Variants in TRIM6 observed in about 807,000 individuals in gnomAD.
The protein encoded by TRIM6 is tripartite motif containing 6.
Under a neutral mutation model 51.2 loss-of-function variants are expected in TRIM6, and 43 were observed. The ratio of observed to expected loss-of-function variants is 0.84; its 90% CI spans 0.66 to 1.08. The LOEUF (loss-of-function observed/expected upper bound fraction) is 1.08, where lower values mean the gene tolerates loss of function less well. Ranked by LOEUF, TRIM6 falls within the 50% of genes least tolerant of loss-of-function variation. The pLI is 0.00. For synonymous variants in TRIM6, 215 were observed against 232.4 expected (o/e 0.93, Z 0.68); for missense variants, 669 against 619.0 (o/e 1.08, Z -0.86).
chr11:5,604,244 G>C (rs1395711586), intron 2 of TRIM6, among the ~76,000 whole-genome samples: 3 of 152,044 alleles, frequency 2.0e-5, no homozygotes, highest in African/African-American at 7.2e-5. Flanking sequence ...AAACTCCTGA[G>C]CTCAGGCAAT....
At chr11:5,606,209 C>T (rs1385498377) in intron 4 of TRIM6, among the ~76,000 whole-genome samples, 1 of 152,206 alleles carries the variant, frequency 6.6e-6, no homozygotes, top group African/African-American at 2.4e-5. Context: ...ACTCTCTTCT[C>T]TAGAGCAGAA....
At chr11:5,597,680 C>CA (rs1321625283) in intron 1 of TRIM6, among the ~76,000 whole-genome samples, 2 of 152,090 alleles carry the variant, frequency 1.3e-5, no homozygotes, top group Non-Finnish European at 2.9e-5. Flanking sequence ...TCTGAACCCC[C>CA]AGCCTACACC....
At chr11:5,610,399 T>C in intron 6 of TRIM6, 136 bp from the exon 7 acceptor site, 1 of 1,577,380 alleles carries the variant, frequency 6.3e-7, no homozygotes, top group Non-Finnish European at 8.6e-7. Flanking sequence ...GCGGTTTGTA[T>C]TTAAGGGGAG....
Position 5,596,701 on chromosome 11 carries a change from A to C in TRIM6, c.-197A>C. The C allele has an allele frequency of 1.3e-6, 1 of 795,600 alleles. No homozygotes were observed. Among genetic ancestry groups the C allele is most frequent in the Non-Finnish European group, 2.0e-6 (1 of 502,174 alleles). 49.3% of individuals were successfully genotyped at this position (795,600 alleles called of 1,614,324 possible). ...CTGTGGGTCCGTCCGTTCAACGGCCAAAGGCTGGCGGAGGAGGGATCCCCT... is the reference window on the plus strand; with the variant it reads ...CTGTGGGTCCGTCCGTTCAACGGCCCAAGGCTGGCGGAGGAGGGATCCCCT... On this transcript the variant is annotated 5_prime_UTR_variant, in exon 1 of 8. Transcript: ENST00000380097.
intron 3 of TRIM6, 97 bp downstream of exon 3, chr11:5,604,726 T>G: frequency 7.7e-7 from 1 of 1,305,248 alleles, no homozygotes; most frequent in South Asian, 1.6e-5. Flanking sequence ...TGTCCTCTGA[T>G]GCCATGACTA....
intron 1 of TRIM6, among the ~76,000 whole-genome samples, chr11:5,598,269 G>A (rs1184999836): frequency 6.6e-6 from 1 of 152,140 alleles, no homozygotes; most frequent in East Asian, 1.9e-4. Context: ...GCTGGTGTGT[G>A]GGCAAGGGTC....
At chr11:5,610,289 C>T (rs534721531) in intron 6 of TRIM6, 44 bp downstream of exon 6, 8 of 1,612,424 alleles carry the variant, frequency 5.0e-6, no homozygotes, top group African/African-American at 2.7e-5. Context: ...AAATTACTGT[C>T]GTGGGAAGAA....
intron 1 of TRIM6, among the ~76,000 whole-genome samples, chr11:5,600,809 T>G (rs1477030533): frequency 6.6e-6 from 1 of 152,146 alleles, no homozygotes; most frequent in Non-Finnish European, 1.5e-5. Context: ...AGGTCACGCC[T>G]GGAACCAGGG....
intron 4 of TRIM6, 119 bp downstream of exon 4, chr11:5,605,686 G>C: frequency 1.6e-6 from 2 of 1,215,344 alleles, no homozygotes; most frequent in African/African-American, 3.1e-5. Context: ...TTCCTTTGGC[G>C]CTATAGTGCC....
chr11:5,610,229 G>A lies in TRIM6; in HGVS notation c.942G>A (p.Met314Ile), dbSNP rs769742568. 24 of 1,614,030 alleles carry A rather than the reference G, an allele frequency of 1.5e-5. No individual in the cohort carries two copies. The highest frequency in any genetic ancestry group is 1.8e-5 in the Non-Finnish European group (21 of 1,180,028). Residue 314 changes from methionine to isoleucine, a missense_variant, in exon 6 of 8, where the codon ATG (methionine) becomes ATA (isoleucine). Coordinates refer to ENST00000380097, the MANE Select transcript of TRIM6 (RefSeq NM_001003818.3). ...TCCGAGCCCCAGATCTGAAAAGGAT[G>A]CTGCGAGTGTGTAGAGGTAAGGAGA... ...SMFRAPDLKR[M>I]LRVCRELTDV...
chr11:5,602,435 C>T (rs11038294), intron 1 of TRIM6, among the ~76,000 whole-genome samples: 34,788 of 150,830 alleles, frequency 0.23, 4,722 homozygotes, highest in East Asian at 0.42. Flanking sequence ...AGAGCAAGAC[C>T]CCCTAATGAG....
In TRIM6 at chr11:5,612,394, T is replaced by G. The variant is rs1412564235; in HGVS notation, c.*1052T>G. On this transcript the variant is annotated 3_prime_UTR_variant, in exon 8 of 8. Transcript: ENST00000380097. ...AACCTTTGGCCTTCCTCTCTACATT[T>G]AAGAGTAGCAATAGAACAATAAAAA... The G allele has an allele frequency of 2.6e-5, 4 of 151,112 alleles. No homozygotes were observed. The highest frequency in any genetic ancestry group is 5.9e-5 in the Non-Finnish European group (4 of 67,780). 9.4% of individuals were successfully genotyped at this position (151,112 alleles called of 1,614,324 possible). A position where few individuals can be genotyped will look rare whatever the true frequency, so the allele number is the denominator to read the frequency against.
At chr11:5,606,776 A>G (rs991701479) in intron 4 of TRIM6, among the ~76,000 whole-genome samples, 2 of 152,186 alleles carry the variant, frequency 1.3e-5, no homozygotes, top group African/African-American at 2.4e-5. Flanking sequence ...ACACTTCCAC[A>G]TTCATTAGTA....
chr11:5,610,518 T>A lies in TRIM6; in HGVS notation c.959-17T>A, dbSNP rs1204829191. 1 of 1,614,136 alleles carries A rather than the reference T, an allele frequency of 6.2e-7. No homozygotes were observed. The highest frequency in any genetic ancestry group is 2.2e-5 in the East Asian group (1 of 44,882). On this transcript the variant is annotated splice_polypyrimidine_tract_variant and intron_variant, in intron 6 of 7. Coordinates refer to ENST00000380097, the MANE Select transcript of TRIM6 (RefSeq NM_001003818.3). ...GTTGGTCCTATTCAACATTATTGAC[T>A]CTTTTCATCATTACAGAGCTGACAG...
chr11:5,602,269 T>TGC (rs1847911292), intron 1 of TRIM6, among the ~76,000 whole-genome samples: 1 of 131,754 alleles, frequency 7.6e-6, no homozygotes, highest in South Asian at 2.3e-4. Flanking sequence ...TGAAACCTCA[T>TGC]CTCTACTAAA....
chr11:5,612,851 C>CA lies in TRIM6; in HGVS notation c.*1515dup, dbSNP rs551639395. On this transcript the variant is annotated 3_prime_UTR_variant, in exon 8 of 8. Transcript: ENST00000380097. Reference sequence around the variant, plus strand: ...TATACCAGATTTCAAATACCTACTTCAAAAAATAATGTAAAATATCTCACT... The same window carrying CA: ...TATACCAGATTTCAAATACCTACTTCAAAAAAATAATGTAAAATATCTCACT... 6.6e-6 allele frequency: 1 copy of CA among 152,138 alleles called. No individual in the cohort carries two copies. The highest frequency in any genetic ancestry group is 6.6e-5 in the Admixed American group (1 of 15,260). The allele number at this position is 152,138 out of a possible 1,614,324, so 9.4% of individuals were successfully genotyped here.
chr11:5,601,706 C>G (rs1263580749), intron 1 of TRIM6, among the ~76,000 whole-genome samples: 2 of 152,050 alleles, frequency 1.3e-5, no homozygotes, highest in African/African-American at 4.8e-5. Context: ...TGCAGTGAGC[C>G]GAGATAGTGC....
Position 5,610,892 on chromosome 11 carries a change from T to A in TRIM6, c.1101T>A (p.His367Gln), listed in dbSNP as rs771424614. Residue 367 changes from histidine to glutamine, a missense_variant, in exon 8 of 8, where the codon CAT becomes CAA. Transcript: ENST00000380097. ...CTGGACCTTCCTGTCTGGAAAAGCA[T>A]TATGACTGTAGTGTCCTGGGCTCCC... ...KVSGPSCLEKHYDCSVLGSQH... is the reference protein window; with the variant it reads ...KVSGPSCLEKQYDCSVLGSQH... 1.9e-6 allele frequency: 3 copies of A among 1,614,222 alleles called. No individual in the cohort carries two copies. Among genetic ancestry groups the A allele is most frequent in the East Asian group, 2.2e-5 (1 of 44,886 alleles).
chr11:5,605,550 A>C lies in TRIM6; in HGVS notation c.817A>C (p.Thr273Pro). The stretch of plus-strand genomic sequence containing the variant: ...TCTGGAGCGTCGATGTCAGGGGTCA[A>C]CAATGGAGCTGCTGCAGGTAAGGCT... ...SDLERRCQGS[T>P]MELLQDVSDV... The change falls in exon 4 of 8, where the codon ACA (threonine) becomes CCA (proline). Residue 273 changes from threonine (T) to proline (P), a missense_variant. Physicochemically the swap from Thr to Pro is conservative, Grantham distance 38. Coordinates refer to ENST00000380097, the MANE Select transcript of TRIM6 (RefSeq NM_001003818.3). 6.2e-7 allele frequency: 1 copy of C among 1,613,922 alleles called. No homozygotes were observed. The highest frequency in any genetic ancestry group is 1.3e-5 in the African/African-American group (1 of 75,026).
Sources: allele counts gnomAD v4.1 joint callset (sites outside exome capture counted in the v4.1 genomes callset), GRCh38; gene constraint gnomAD v4.1.1; transcripts MANE v1.5; gene names NCBI Gene and HGNC (gene_info 2026-07-23, HGNC 2026-07-21).